The following SNX29 variants were observed in gnomAD, a reference collection of about 807,000 sequenced individuals.
SNX29 encodes the protein sorting nexin-29.
SNX29 carries 78 observed loss-of-function variants against 102.1 expected under a neutral mutation model. The observed-to-expected ratio is 0.76, with a 90% CI of 0.64 to 0.92. SNX29 has a LOEUF of 0.92. SNX29 is among the 40% of genes least tolerant of loss of function. The probability of loss-of-function intolerance (pLI) is 0.00; values close to 1 mark genes in which losing one functional copy is unlikely to be tolerated. For synonymous variants in SNX29, 580 were observed against 414.5 expected (o/e 1.40, Z -4.85); for missense variants, 1,280 against 1,061.7 (o/e 1.21, Z -2.86).
chr16:12,444,110 A>C (rs1368244075), intron 18 of SNX29, among the ~76,000 whole-genome samples: 2 of 151,798 alleles, frequency 1.3e-5, no homozygotes, highest in African/African-American at 4.9e-5. Flanking sequence ...CCTAGCACGT[A>C]GTAAGCACTC....
intron 20 of SNX29, chr16:12,526,602 T>C: frequency 1.9e-6 from 1 of 532,750 alleles, no homozygotes; most frequent in Non-Finnish European, 3.7e-6. Flanking sequence ...TGAGGAGTTC[T>C]CATCCTCTTA....
chr16:12,271,109 G>A (rs956204811), intron 14 of SNX29, among the ~76,000 whole-genome samples: 5 of 152,188 alleles, frequency 3.3e-5, no homozygotes, highest in Admixed American at 6.6e-5. Flanking sequence ...CTCTACGTTG[G>A]TTAACTATTG....
chr16:12,562,304 T>C (rs1409882001), intron 20 of SNX29, among the ~76,000 whole-genome samples: 2 of 152,204 alleles, frequency 1.3e-5, no homozygotes, highest in Non-Finnish European at 1.5e-5. Context: ...AACGTTATCG[T>C]TGGCTTTGTC....
chr16:12,413,635 C>T (rs2084499576), intron 18 of SNX29, among the ~76,000 whole-genome samples: 1 of 152,086 alleles, frequency 6.6e-6, no homozygotes, highest in Non-Finnish European at 1.5e-5. Flanking sequence ...TTCAGTGGTA[C>T]GCTGCTGTGC....
At chr16:12,449,123 T>G (rs1403042155) in intron 18 of SNX29, among the ~76,000 whole-genome samples, 4 of 151,876 alleles carry the variant, frequency 2.6e-5, no homozygotes, top group Non-Finnish European at 4.4e-5. Flanking sequence ...TGGTGCTCAG[T>G]CTAGTTGGGG....
chr16:12,067,511 G>A (rs763335318), intron 9 of SNX29, among the ~76,000 whole-genome samples: 4 of 152,034 alleles, frequency 2.6e-5, no homozygotes, highest in African/African-American at 7.2e-5. Flanking sequence ...TTTTTGAGAC[G>A]GAGTCTCACT....
intron 20 of SNX29, among the ~76,000 whole-genome samples, chr16:12,545,320 C>G (rs778736809): frequency 6.7e-6 from 1 of 149,220 alleles, no homozygotes; most frequent in African/African-American, 2.4e-5. Flanking sequence ...CTCGCATCCA[C>G]CAGAGAAAGG....
At chr16:12,398,067 G>C (rs1475384858) in intron 16 of SNX29, among the ~76,000 whole-genome samples, 1 of 152,206 alleles carries the variant, frequency 6.6e-6, no homozygotes, top group Non-Finnish European at 1.5e-5. Flanking sequence ...GTGTGTCTGT[G>C]TGTGTGATGT....
rs527606685 is a variant in SNX29, at chr16:12,569,716, C to T, written c.*1087C>T. 7 of 230,444 alleles carry T rather than the reference C, an allele frequency of 3.0e-5. No homozygotes were observed. The highest frequency in any genetic ancestry group is 1.2e-4 in the East Asian group (2 of 16,248). 14.3% of individuals were successfully genotyped at this position (230,444 alleles called of 1,614,324 possible). On this transcript the variant is annotated 3_prime_UTR_variant, in exon 21 of 21. Transcript: ENST00000566228. Reference sequence around the variant, plus strand: ...GGCAGGTGGAGAGGAGGATGGGGACCAGCAGCTGGGCAGCCCCCAGGGCTC... The same window carrying T: ...GGCAGGTGGAGAGGAGGATGGGGACTAGCAGCTGGGCAGCCCCCAGGGCTC...
At chr16:12,058,718 T>C (rs896016377) in intron 8 of SNX29, among the ~76,000 whole-genome samples, 3 of 150,928 alleles carry the variant, frequency 2.0e-5, no homozygotes, top group African/African-American at 7.3e-5. Flanking sequence ...GGTCTTGAAC[T>C]CCTGACCTCA....
intron 13 of SNX29, among the ~76,000 whole-genome samples, chr16:12,162,946 C>T (rs1238744046): frequency 3.9e-5 from 6 of 152,022 alleles, no homozygotes; most frequent in African/African-American, 7.2e-5. Context: ...CAGTGGTACG[C>T]TCTTGGCTCA....
At chr16:12,033,679 CCA>C (rs1369071990) in intron 4 of SNX29, among the ~76,000 whole-genome samples, 2 of 151,536 alleles carry the variant, frequency 1.3e-5, no homozygotes, top group Non-Finnish European at 2.9e-5. Flanking sequence ...CAATCTTGGC[CCA>C]CTGCAGCCTA....
chr16:12,179,419 A>T (rs1489397681), intron 13 of SNX29, among the ~76,000 whole-genome samples: 2 of 152,242 alleles, frequency 1.3e-5, no homozygotes, highest in African/African-American at 4.8e-5. Context: ...CAGGAGTTGG[A>T]GGCTGAATGA....
rs144120166 is a variant in SNX29, at chr16:12,552,861, G to A, written c.2319-15645G>A. ...CCAGAGAGGAGAGGGTGTGGCAGAT[G>A]GCAGGGCCTGGGGAGACATGGACAT... On this transcript the variant is annotated intron_variant, in intron 20 of 20. Transcript: ENST00000566228. Among the ~76,000 whole-genome samples the A allele has an allele frequency of 1.1e-3, 163 of 152,352 alleles. 2 individuals are homozygous for A. The highest frequency in any genetic ancestry group is 3.6e-3 in the African/African-American group (151 of 41,590).
intron 18 of SNX29, among the ~76,000 whole-genome samples, chr16:12,416,343 T>A (rs186995939): frequency 6.6e-6 from 1 of 152,264 alleles, no homozygotes; most frequent in East Asian, 1.9e-4. Context: ...AGGAAGAAGT[T>A]CTGGTGATCT....
intron 15 of SNX29, among the ~76,000 whole-genome samples, chr16:12,290,016 G>C: frequency 6.6e-6 from 1 of 152,156 alleles, no homozygotes; most frequent in African/African-American, 2.4e-5. Flanking sequence ...AGCGGGAGTG[G>C]AGAACGCTGA....
At chr16:12,547,939 G>C (rs941627745) in intron 20 of SNX29, among the ~76,000 whole-genome samples, 1 of 152,170 alleles carries the variant, frequency 6.6e-6, no homozygotes, top group African/African-American at 2.4e-5. Flanking sequence ...TCAATTCCCA[G>C]TCTGCCCTCA....
At chr16:12,443,427 A>G (rs904564941) in intron 18 of SNX29, 3 of 155,342 alleles carry the variant, frequency 1.9e-5, no homozygotes, top group African/African-American at 7.2e-5. Context: ...GCACCCCAAA[A>G]CATCAGCTCT....
At chr16:12,230,351 G>C (rs1388842632) in intron 14 of SNX29, among the ~76,000 whole-genome samples, 3 of 152,188 alleles carry the variant, frequency 2.0e-5, no homozygotes, top group African/African-American at 4.8e-5. Flanking sequence ...TTTCCAAATA[G>C]ACAATCACGT....
Sources: allele counts gnomAD v4.1 joint callset (sites outside exome capture counted in the v4.1 genomes callset), GRCh38; gene constraint gnomAD v4.1.1; transcripts MANE v1.5; gene names NCBI Gene and HGNC (gene_info 2026-07-23, HGNC 2026-07-21).